Variants in MORN3 observed in about 807,000 individuals in gnomAD.
The protein encoded by MORN3 is MORN repeat containing 3.
In MORN3, 38 loss-of-function variants were observed where a neutral mutation model predicts 34.7. The observed-to-expected ratio is 1.10, with a 90% CI of 0.85 to 1.44. MORN3 has a LOEUF of 1.44. Among genes scored for constraint, MORN3 ranks in the 40% most tolerant of loss-of-function variants. The probability of loss-of-function intolerance (pLI) is 0.00; values close to 1 mark genes in which losing one functional copy is unlikely to be tolerated. For missense variants in MORN3, 311 were observed against 321.7 expected, an observed-to-expected ratio of 0.97 and a Z score of 0.25; for synonymous variants, 109 against 115.3, an observed-to-expected ratio of 0.95 and a Z score of 0.35.
intron 2 of MORN3, among the ~76,000 whole-genome samples, chr12:121,656,197 G>A (rs781990254): frequency 6.6e-6 from 1 of 152,066 alleles, no homozygotes; most frequent in Non-Finnish European, 1.5e-5. Flanking sequence ...CCTGTCCCAG[G>A]GCAGACACAC....
At chr12:121,652,481 G>C (rs1555325186) in intron 5 of MORN3, among the ~76,000 whole-genome samples, 3 of 151,998 alleles carry the variant, frequency 2.0e-5, no homozygotes, top group Non-Finnish European at 4.4e-5. Flanking sequence ...TTATCCGCCT[G>C]CCTTGGCCTC....
chr12:121,656,912 G>T (rs1374617262), intron 2 of MORN3, among the ~76,000 whole-genome samples: 1 of 152,112 alleles, frequency 6.6e-6, no homozygotes, highest in Non-Finnish European at 1.5e-5. Flanking sequence ...TACGTAAATT[G>T]GTTATTCAGG....
In MORN3 at chr12:121,653,273, CAG is replaced by C; in HGVS notation, c.464-16_464-15del. ...GGTTCCCGTTCTCTGGGGGAAAGGA[CAG>C]GGAGGTGTGGTGCAGGGTACACCAA... On this transcript the variant is annotated splice_polypyrimidine_tract_variant and intron_variant, in intron 3 of 5. Transcript: ENST00000355329. 6.2e-7 allele frequency: 1 copy of C among 1,612,034 alleles called. No homozygotes were observed.
chr12:121,665,247 G>A (rs1893707121), intron 1 of MORN3, among the ~76,000 whole-genome samples: 1 of 121,968 alleles, frequency 8.2e-6, no homozygotes, highest in African/African-American at 3.0e-5. Context: ...CTGAGACCTG[G>A]TTTTAAGATC....
intron 2 of MORN3, among the ~76,000 whole-genome samples, chr12:121,656,031 A>T (rs1893404282): frequency 6.6e-6 from 1 of 152,172 alleles, no homozygotes; most frequent in Non-Finnish European, 1.5e-5. Flanking sequence ...CTCCGTCTCA[A>T]AAAACAAAAA....
intron 1 of MORN3, among the ~76,000 whole-genome samples, chr12:121,667,784 C>T (rs1027518444): frequency 6.0e-5 from 9 of 150,014 alleles, no homozygotes; most frequent in African/African-American, 1.7e-4. Context: ...AGTGCAGTGG[C>T]GAGATCTCGG....
At chr12:121,671,667 G>T (rs2136892155), upstream of MORN3, among the ~76,000 whole-genome samples, 1 of 151,850 alleles carries the variant, frequency 6.6e-6, no homozygotes, top group South Asian at 2.1e-4. Flanking sequence ...AGATCACGAG[G>T]TCGGGAGTTC....
chr12:121,669,488 G>T lies in MORN3; in HGVS notation c.-5C>A. ...TGGGCACTTAGAGACTGGCATGGTGGCTGCTTCTGCAAGGCTGGAGGGTGC... is the reference window on the plus strand; with the variant it reads ...TGGGCACTTAGAGACTGGCATGGTGTCTGCTTCTGCAAGGCTGGAGGGTGC... On this transcript the variant is annotated 5_prime_UTR_variant, in exon 1 of 6. Transcript: ENST00000355329. 1 of 1,612,990 alleles carries T rather than the reference G, an allele frequency of 6.2e-7. No homozygotes were observed. Among genetic ancestry groups the T allele is most frequent in the Non-Finnish European group, 8.5e-7 (1 of 1,179,350 alleles).
upstream of MORN3, among the ~76,000 whole-genome samples, chr12:121,671,709 G>A (rs1487783899): frequency 2.0e-5 from 3 of 151,330 alleles, no homozygotes; most frequent in African/African-American, 7.3e-5. Flanking sequence ...GTGAAACCGC[G>A]TCTCTACTCA....
chr12:121,659,276 C>A lies in MORN3; in HGVS notation c.218G>T (p.Gly73Val). Residue 73 changes from glycine to valine, a missense_variant, in exon 2 of 6, where the codon GGC becomes GTC. Physicochemically the swap from Gly to Val is moderately radical, Grantham distance 109. Coordinates refer to ENST00000355329, the MANE Select transcript of MORN3 (RefSeq NM_173855.5). ...GTCAGGAAGGCTGAGGGTGCCGTAG[C>A]CGTCTCGCTTCCCAAACTTCCAGTC... ...EGDWKFGKRD[G>V]YGTLSLPDQQ... 3.1e-6 allele frequency: 5 copies of A among 1,614,048 alleles called. No homozygotes were observed. The highest frequency in any genetic ancestry group is 4.2e-6 in the Non-Finnish European group (5 of 1,180,004).
chr12:121,669,705 G>T (rs370709591), upstream of MORN3: 48 of 466,940 alleles, frequency 1.0e-4, no homozygotes, highest in East Asian at 8.0e-4. Context: ...CTCCCAGGGG[G>T]TCTGATGGCA....
chr12:121,663,983 G>T (rs1388549462), intron 1 of MORN3, among the ~76,000 whole-genome samples: 1 of 152,056 alleles, frequency 6.6e-6, no homozygotes, highest in Non-Finnish European at 1.5e-5. Context: ...CCCCTGGCAG[G>T]CCTACCCAAT....
At chr12:121,661,734 G>A (rs1893589071) in intron 1 of MORN3, among the ~76,000 whole-genome samples, 1 of 152,058 alleles carries the variant, frequency 6.6e-6, no homozygotes, top group South Asian at 2.1e-4. Flanking sequence ...AAATTAGCTG[G>A]GCGTGGTGGT....
Position 121,669,462 on chromosome 12 carries a change from T to C in MORN3, c.22A>G (p.Lys8Glu). The change falls in exon 1 of 6, where the codon AAA becomes GAA. Residue 8 changes from lysine (K) to glutamate (E), a missense_variant. Lys to Glu is a moderately conservative substitution (Grantham distance 56). Coordinates refer to ENST00000355329, the MANE Select transcript of MORN3 (RefSeq NM_173855.5). ...CCCTTCCACAGGGACTCCGACTTTTTTGGGCACTTAGAGACTGGCATGGTG... is the reference window on the plus strand; with the variant it reads ...CCCTTCCACAGGGACTCCGACTTTTCTGGGCACTTAGAGACTGGCATGGTG... MPVSKCP[K>E]KSESLWKGWD... The C allele has an allele frequency of 6.2e-7, 1 of 1,613,812 alleles. No homozygotes were observed. Among genetic ancestry groups the C allele is most frequent in the Non-Finnish European group, 8.5e-7 (1 of 1,179,808 alleles).
At chr12:121,657,534 C>T (rs1356175678) in intron 2 of MORN3, among the ~76,000 whole-genome samples, 1 of 152,042 alleles carries the variant, frequency 6.6e-6, no homozygotes. Context: ...TCCTTAAAAA[C>T]TCTGCAGCCA....
At chr12:121,663,638 A>G (rs1893652780) in intron 1 of MORN3, among the ~76,000 whole-genome samples, 1 of 152,222 alleles carries the variant, frequency 6.6e-6, no homozygotes, top group Non-Finnish European at 1.5e-5. Flanking sequence ...TAATTTTCTG[A>G]AAAGAAAAAC....
intron 1 of MORN3, among the ~76,000 whole-genome samples, chr12:121,660,355 C>CTTTTTTTT (rs200327265): frequency 9.3e-5 from 12 of 128,772 alleles, no homozygotes; most frequent in East Asian, 4.5e-4. Context: ...TTCTTTCTTT[C>CTTTTTTTT]TTTTTTTTTT....
intron 2 of MORN3, among the ~76,000 whole-genome samples, chr12:121,658,493 G>A (rs1893477194): frequency 6.6e-6 from 1 of 150,664 alleles, no homozygotes; most frequent in Non-Finnish European, 1.5e-5. Flanking sequence ...GTGAACCCGG[G>A]AGGCGGAGCT....
chr12:121,663,854 T>C (rs374604739), intron 1 of MORN3, among the ~76,000 whole-genome samples: 4 of 152,184 alleles, frequency 2.6e-5, no homozygotes, highest in East Asian at 1.9e-4. Context: ...CCCAACCACA[T>C]TGTAGGGGCT....
Sources: gnomAD v4.1 joint callset for allele counts (sites outside exome capture counted in the v4.1 genomes callset) on GRCh38, gnomAD v4.1.1 for gene constraint, MANE v1.5 for transcripts, NCBI Gene and HGNC (gene_info 2026-07-23, HGNC 2026-07-21) for gene names.